The following ZNF717 variants were observed in gnomAD, a reference collection of about 807,000 sequenced individuals.
The protein encoded by ZNF717 is krueppel-like factor X17.
A neutral mutation model predicts 13.8 loss-of-function variants in ZNF717; 9 were observed. The observed-to-expected ratio is 0.65, with a 90% CI of 0.39 to 1.14. ZNF717 has a LOEUF of 1.14. Among genes scored for constraint, ZNF717 ranks in the 50% most tolerant of loss-of-function variants. The probability of loss-of-function intolerance (pLI) is 0.01; values close to 1 mark genes in which losing one functional copy is unlikely to be tolerated. For synonymous variants in ZNF717, 327 were observed against 364.1 expected (o/e 0.90, Z 1.16); for missense variants, 1,040 against 1,080.7 (o/e 0.96, Z 0.53).
At position 75,769,640 on chromosome 3, in the gene ZNF717, G is replaced by T. The variant is rs143133683; in HGVS notation, c.57+13666C>A. On this transcript the variant is annotated intron_variant, in intron 2 of 4. Coordinates refer to ENST00000652011, the MANE Select transcript of ZNF717 (RefSeq NM_001290208.3). ...TTATATTGAGTATTAGGTTAAAAAT[G>T]CAAGAATGGAGCATAGTTAATATTT... Among the ~76,000 whole-genome samples the T allele has an allele frequency of 2.8e-3, 423 of 152,272 alleles. 16 individuals are homozygous for T. The East Asian group carries it at 0.072, about 26-fold the overall frequency.
At chr3:75,783,166 C>T in intron 2 of ZNF717, 140 bp downstream of exon 2, 1 of 686,716 alleles carries the variant, frequency 1.5e-6, no homozygotes, top group Non-Finnish European at 2.6e-6. Flanking sequence ...TCTATATCTA[C>T]AGGTCAGCTT....
intron 6 of ZNF717, among the ~76,000 whole-genome samples, chr3:75,703,462 G>A (rs1353590221): frequency 4.6e-5 from 7 of 152,210 alleles, no homozygotes; most frequent in African/African-American, 1.4e-4. Flanking sequence ...TCTGGGAGAT[G>A]GAGGTTTCAG....
intron 2 of ZNF717, among the ~76,000 whole-genome samples, chr3:75,744,401 G>T (rs1376958229): frequency 6.6e-6 from 1 of 152,222 alleles, no homozygotes; most frequent in Non-Finnish European, 1.5e-5. Flanking sequence ...AAGCTGAAGA[G>T]ACTAAAAAAT....
intron 2 of ZNF717, among the ~76,000 whole-genome samples, chr3:75,782,585 T>TCCA (rs1944894632): frequency 6.6e-6 from 1 of 150,766 alleles, no homozygotes; most frequent in South Asian, 2.1e-4. Context: ...TGAAATATGT[T>TCCA]CCACCACAGC....
intron 4 of ZNF717, among the ~76,000 whole-genome samples, chr3:75,739,675 CT>C (rs3035107): frequency 6.6e-3 from 349 of 52,970 alleles, no homozygotes; most frequent in Middle Eastern, 0.026. Context: ...TGTTTTCTCT[CT>C]TTTTTTTTAT....
intron 4 of ZNF717, among the ~76,000 whole-genome samples, chr3:75,740,017 A>G (rs920924650): frequency 5.3e-5 from 8 of 152,250 alleles, no homozygotes; most frequent in Admixed American, 4.6e-4. Context: ...AGCTCCAGTC[A>G]AAAAACCACA....
chr3:75,722,199 G>C (rs11708729), intron 4 of ZNF717, among the ~76,000 whole-genome samples: 1 of 151,814 alleles, frequency 6.6e-6, no homozygotes, highest in African/African-American at 2.4e-5. Context: ...GGTGGAGGTC[G>C]CAGTGAGCCA....
At chr3:75,765,035 A>ATATGTATATG (rs1559662069) in intron 2 of ZNF717, among the ~76,000 whole-genome samples, 2 of 81,796 alleles carry the variant, frequency 2.4e-5, no homozygotes, top group Non-Finnish European at 5.6e-5. Context: ...ATATATGTAT[A>ATATGTATATG]TGTGTGTGTG....
At position 75,737,002 on chromosome 3, in the gene ZNF717, T is replaced by C. The variant is rs528625538; in HGVS notation, c.2621A>G (p.Glu874Gly). The change falls in exon 5 of 5, where the codon GAA becomes GGA. Residue 874 changes from glutamate (E) to glycine (G), a missense_variant. Around this residue, in one of 3 missense-constraint regions of ZNF717, gnomAD observed 44 missense variants for 70.1 expected, o/e 0.63. Coordinates refer to ENST00000652011, the MANE Select transcript of ZNF717 (RefSeq NM_001290208.3). ...HTGEKPYECKECGKTFCQKSH... is the reference protein window; with the variant it reads ...HTGEKPYECKGCGKTFCQKSH... ...CTTCTGGCAAAAGGTTTTCCCACATTCCTTACATTCATAAGGTTTTTCTCC... is the reference window on the plus strand; with the variant it reads ...CTTCTGGCAAAAGGTTTTCCCACATCCCTTACATTCATAAGGTTTTTCTCC... 115 of 1,592,250 alleles carry C rather than the reference T, an allele frequency of 7.2e-5. No homozygotes were observed. The South Asian group carries it at 1.2e-3, about 17-fold the overall frequency.
intron 2 of ZNF717, among the ~76,000 whole-genome samples, chr3:75,770,823 G>T (rs1200746247): frequency 6.6e-6 from 1 of 152,186 alleles, no homozygotes; most frequent in Non-Finnish European, 1.5e-5. Context: ...GACTAAAGAG[G>T]TCTAAGCTGT....
chr3:75,708,681 G>T (rs1460032246), downstream of ZNF717, among the ~76,000 whole-genome samples: 1 of 152,092 alleles, frequency 6.6e-6, no homozygotes, highest in Non-Finnish European at 1.5e-5. Flanking sequence ...GCTACAGGAG[G>T]AAATTCAAAC....
downstream of ZNF717, among the ~76,000 whole-genome samples, chr3:75,733,078 A>G (rs559953490): frequency 6.6e-6 from 1 of 152,308 alleles, no homozygotes; most frequent in South Asian, 2.1e-4. Context: ...AAATACTGCA[A>G]AAGACCTGAA....
rs1939389239 is a variant in ZNF717, at chr3:75,737,176, C to T, written c.2447G>A (p.Cys816Tyr). The change falls in exon 5 of 5, where the codon TGT becomes TAT. Residue 816 changes from cysteine (C) to tyrosine (Y), a missense_variant. Transcript: ENST00000652011. Reference protein sequence around the residue: ...RTHTGEKPFECKECRKTFSQK... With the variant: ...RTHTGEKPFEYKECRKTFSQK... Reference sequence around the variant, plus strand: ...GGAGAAGGTTTTCCTACATTCTTTACATTCAAATGGCTTCTCACCTGTGTG... The same window carrying T: ...GGAGAAGGTTTTCCTACATTCTTTATATTCAAATGGCTTCTCACCTGTGTG... 6.4e-7 allele frequency: 1 copy of T among 1,557,000 alleles called. No individual in the cohort carries two copies. Among genetic ancestry groups the T allele is most frequent in the South Asian group, 1.2e-5 (1 of 84,602 alleles).
At chr3:75,779,043 G>C (rs574481083) in intron 2 of ZNF717, among the ~76,000 whole-genome samples, 1 of 151,442 alleles carries the variant, frequency 6.6e-6, no homozygotes, top group South Asian at 2.1e-4. Flanking sequence ...AACAATGGGA[G>C]TGATGCGCAA....
intron 2 of ZNF717, among the ~76,000 whole-genome samples, chr3:75,773,494 CG>C (rs1944054503): frequency 7.3e-6 from 1 of 137,424 alleles, no homozygotes; most frequent in Non-Finnish European, 1.6e-5. Context: ...AGAGATGGCA[CG>C]GCCCATCTGG....
At position 75,740,383 on chromosome 3, in the gene ZNF717, A is replaced by G. The variant is rs1281187826; in HGVS notation, c.277+893T>C. Among the ~76,000 whole-genome samples, 5 of 152,206 alleles carry G rather than the reference A, an allele frequency of 3.3e-5. No individual in the cohort carries two copies. The East Asian group carries it at 9.7e-4, about 29-fold the overall frequency. On this transcript the variant is annotated intron_variant, in intron 4 of 4. Coordinates refer to ENST00000652011, the MANE Select transcript of ZNF717 (RefSeq NM_001290208.3). The stretch of plus-strand genomic sequence containing the variant: ...CAGCACCACCCCTATCCAGGCCCCT[A>G]TGATGGGTCCTCCTCAGCTTCATAA...
At chr3:75,708,905 T>C (rs3009077), downstream of ZNF717, among the ~76,000 whole-genome samples, 63,123 of 151,608 alleles carry the variant, frequency 0.42, 13,588 homozygotes, top group East Asian at 0.64. Flanking sequence ...CATTTATTCA[T>C]GGCAGAATTT....
intron 2 of ZNF717, among the ~76,000 whole-genome samples, chr3:75,777,336 A>C (rs370443334): frequency 2.0e-3 from 271 of 136,170 alleles, no homozygotes; most frequent in African/African-American, 6.9e-3. Flanking sequence ...ACGTGCTAAA[A>C]CCAGAAACCA....
At chr3:75,746,120 G>A (rs1314345788) in intron 2 of ZNF717, among the ~76,000 whole-genome samples, 2 of 152,066 alleles carry the variant, frequency 1.3e-5, no homozygotes, top group Non-Finnish European at 2.9e-5. Context: ...GAGAACATGT[G>A]GTGTTTGGTT....
Sources: gnomAD v4.1 joint callset for allele counts (sites outside exome capture counted in the v4.1 genomes callset) on GRCh38, gnomAD v4.1.1 for gene constraint, gnomAD v4.1.1 regional missense constraint, MANE v1.5 for transcripts, NCBI Gene and HGNC (gene_info 2026-07-23, HGNC 2026-07-21) for gene names.